Variants in ATF7IP2 observed in about 807,000 individuals in gnomAD.
ATF7IP2 encodes the protein activating transcription factor 7-interacting protein 2.
Under a neutral mutation model 64.2 loss-of-function variants are expected in ATF7IP2, and 42 were observed. That is an observed-to-expected ratio of 0.65 (90% CI 0.51 to 0.85). The LOEUF (loss-of-function observed/expected upper bound fraction) is 0.85. Among genes scored for constraint, ATF7IP2 ranks in the 40% least tolerant of loss-of-function variants. The pLI is 0.00. For missense variants in ATF7IP2, 933 were observed against 784.2 expected (o/e 1.19, Z -2.27); for synonymous variants, 308 against 272.8 (o/e 1.13, Z -1.27).
Position 10,432,195 on chromosome 16 carries a change from T to G in ATF7IP2, c.835+740T>G, listed in dbSNP as rs140463494. 4.2e-3 allele frequency among the ~76,000 whole-genome samples: 642 copies of G among 152,106 alleles called. 7 individuals carry two copies. The highest frequency in any genetic ancestry group is 0.014 in the African/African-American group (590 of 41,494). ...ATCACATGCTAAGTATGATAGATAATATATTCACACATGTGTATATGTGTG... is the reference window on the plus strand; with the variant it reads ...ATCACATGCTAAGTATGATAGATAAGATATTCACACATGTGTATATGTGTG... On this transcript the variant is annotated intron_variant, in intron 5 of 13. Transcript: ENST00000562102.
At position 10,402,555 on chromosome 16, in the gene ATF7IP2, C is replaced by G. The variant is rs181098411; in HGVS notation, c.-241-12019C>G. Among the ~76,000 whole-genome samples, 6 of 152,190 alleles carry G rather than the reference C, an allele frequency of 3.9e-5. No individual in the cohort carries two copies. In the East Asian group the frequency reaches 9.6e-4, roughly 24 times the overall value. The stretch of plus-strand genomic sequence containing the variant: ...TTTTACTTACTGCAGCCTTAACCTC[C>G]TGGGCTCAAGCGATTCTTCCACCTC... On this transcript the variant is annotated intron_variant, in intron 1 of 13. Coordinates refer to ENST00000562102, the MANE Select transcript of ATF7IP2 (RefSeq NM_001393719.1).
At chr16:10,458,090 A>G (rs2049244064) in intron 9 of ATF7IP2, among the ~76,000 whole-genome samples, 1 of 152,240 alleles carries the variant, frequency 6.6e-6, no homozygotes, top group African/African-American at 2.4e-5. Context: ...TTTGAAGAAC[A>G]CCCTTTCCCA....
intron 12 of ATF7IP2, among the ~76,000 whole-genome samples, chr16:10,476,598 C>A (rs1302472920): frequency 6.6e-6 from 1 of 152,040 alleles, no homozygotes; most frequent in Non-Finnish European, 1.5e-5. Context: ...CCTATCAACC[C>A]ATCACCTAAG....
intron 1 of ATF7IP2, among the ~76,000 whole-genome samples, chr16:10,413,254 G>T (rs954338758): frequency 2.0e-5 from 3 of 152,112 alleles, no homozygotes; most frequent in Middle Eastern, 3.2e-3. Context: ...GGGACCCAGG[G>T]GGAGGTAATT....
intron 12 of ATF7IP2, among the ~76,000 whole-genome samples, chr16:10,478,653 T>A (rs1398237812): frequency 2.6e-5 from 4 of 152,128 alleles, no homozygotes; most frequent in Non-Finnish European, 5.9e-5. Flanking sequence ...AATTGACAAA[T>A]GGGATCTACT....
At chr16:10,457,211 G>T in intron 8 of ATF7IP2, 161 bp from the exon 9 acceptor site, 5 of 565,776 alleles carry the variant, frequency 8.8e-6, no homozygotes, top group Non-Finnish European at 1.5e-5. Flanking sequence ...ATTCATTTTG[G>T]CAGGCAAATC....
rs2048323847 is a variant in ATF7IP2 at position 10,433,515 on chromosome 16, T to A, written c.836-10T>A. 2 of 1,603,340 alleles carry A rather than the reference T, an allele frequency of 1.2e-6. No homozygotes were observed. The highest frequency in any genetic ancestry group is 1.7e-5 in the Admixed American group (1 of 57,360). On this transcript the variant is annotated splice_polypyrimidine_tract_variant and intron_variant, in intron 5 of 13. Coordinates refer to ENST00000562102, the MANE Select transcript of ATF7IP2 (RefSeq NM_001393719.1). ...AATATCTTTCTTTCTAATCTTTTGA[T>A]CTCCTCAAGGCCATTATCAAAAGAA...
chr16:10,472,855 CAA>C (rs71133355), intron 10 of ATF7IP2, among the ~76,000 whole-genome samples: 23 of 99,056 alleles, frequency 2.3e-4, no homozygotes, highest in Admixed American at 4.6e-4. Flanking sequence ...GACTCCGTCT[CAA>C]AAAAAAAAAA....
intron 3 of ATF7IP2, among the ~76,000 whole-genome samples, chr16:10,425,903 AAAAGTT>A (rs2048076188): frequency 6.6e-6 from 1 of 152,158 alleles, no homozygotes; most frequent in South Asian, 2.1e-4. Flanking sequence ...CAAAAAAAAA[AAAAGTT>A]AAAGGTAAAG....
chr16:10,432,067 G>C (rs2048277714), intron 5 of ATF7IP2, among the ~76,000 whole-genome samples: 1 of 141,082 alleles, frequency 7.1e-6, no homozygotes, highest in South Asian at 2.2e-4. Flanking sequence ...TCGAACTCCT[G>C]ACCTCGTGAT....
At chr16:10,405,918 C>T (rs1377953161) in intron 1 of ATF7IP2, among the ~76,000 whole-genome samples, 1 of 152,140 alleles carries the variant, frequency 6.6e-6, no homozygotes, top group East Asian at 1.9e-4. Flanking sequence ...CATGGTAAAA[C>T]CCCATCTCTA....
At chr16:10,479,886 T>C (rs1275318533) in intron 12 of ATF7IP2, among the ~76,000 whole-genome samples, 2 of 150,498 alleles carry the variant, frequency 1.3e-5, no homozygotes, top group African/African-American at 4.9e-5. Context: ...ACACTGTTGG[T>C]AGGAATGTAA....
chr16:10,480,313 G>T (rs1271981545), intron 12 of ATF7IP2, among the ~76,000 whole-genome samples: 3 of 151,730 alleles, frequency 2.0e-5, no homozygotes, highest in Admixed American at 2.0e-4. Context: ...TTGCCTACTT[G>T]TACCTTCTTT....
At chr16:10,471,291 G>A (rs1489240429) in intron 9 of ATF7IP2, among the ~76,000 whole-genome samples, 2 of 152,170 alleles carry the variant, frequency 1.3e-5, no homozygotes, top group African/African-American at 4.8e-5. Flanking sequence ...ACTTTGGGAG[G>A]CCAAGGTGGG....
intron 9 of ATF7IP2, among the ~76,000 whole-genome samples, chr16:10,463,744 A>G (rs747695795): frequency 3.3e-5 from 5 of 152,186 alleles, no homozygotes; most frequent in Admixed American, 6.5e-5. Flanking sequence ...TTAGGCCATT[A>G]TGTTTTGGGG....
chr16:10,473,318 TTTCA>T (rs967590435), intron 10 of ATF7IP2, among the ~76,000 whole-genome samples, 157 bp from the exon 11 acceptor site: 3 of 152,220 alleles, frequency 2.0e-5, no homozygotes, highest in Non-Finnish European at 2.9e-5. Flanking sequence ...TTTAAAAAAA[TTTCA>T]TTCAGTCTTT....
intron 1 of ATF7IP2, among the ~76,000 whole-genome samples, chr16:10,393,182 C>T (rs2047360425): frequency 6.6e-6 from 1 of 151,706 alleles, no homozygotes; most frequent in Non-Finnish European, 1.5e-5. Flanking sequence ...TGGTGGTGGG[C>T]ACCTGTAATC....
chr16:10,431,795 T>C (rs1269127862), intron 5 of ATF7IP2, among the ~76,000 whole-genome samples: 1 of 151,586 alleles, frequency 6.6e-6, no homozygotes. Flanking sequence ...AGAGTGAGTT[T>C]TAAAAATTGT....
rs1346888919 is a variant in ATF7IP2 at position 10,482,153 on chromosome 16, A to T, written c.1953A>T (p.Arg651Ser). The stretch of plus-strand genomic sequence containing the variant: ...TATCTCAGTTTTTAGCTTCCAACAG[A>T]TACTATTTTACTGTCCAATCAAAAG... ...CTLSQFLASN[R>S]YYFTVQSKDI... Residue 651 changes from arginine (R) to serine (S), a missense_variant, in exon 14 of 14, where the codon AGA becomes AGT. Transcript: ENST00000562102. The T allele has an allele frequency of 2.5e-6, 4 of 1,613,356 alleles. No homozygotes were observed. In the Admixed American group the frequency reaches 6.7e-5, roughly 27 times the overall value.
Sources: gnomAD v4.1 joint callset for allele counts (sites outside exome capture counted in the v4.1 genomes callset) on GRCh38, gnomAD v4.1.1 for gene constraint, MANE v1.5 for transcripts, NCBI Gene and HGNC (gene_info 2026-07-23, HGNC 2026-07-21) for gene names.